SLCO6A1: variants seen among roughly 807,000 people sequenced by gnomAD.
SLCO6A1 encodes the protein solute carrier organic anion transporter family member 6A1, also known as cancer/testis antigen 48.
SLCO6A1 carries 65 observed loss-of-function variants against 72.7 expected under a neutral mutation model. The ratio of observed to expected loss-of-function variants is 0.89; its 90% confidence interval spans 0.73 to 1.10. The LOEUF is 1.10. Among genes scored for constraint, SLCO6A1 ranks in the 50% least tolerant of loss-of-function variants. The pLI, the probability that SLCO6A1 is intolerant of heterozygous loss-of-function variation, is 0.00. For missense variants in SLCO6A1, 874 were observed against 872.6 expected, an observed-to-expected ratio of 1.00 and a Z score of -0.02; for synonymous variants, 314 against 298.2, an observed-to-expected ratio of 1.05 and a Z score of -0.55.
intron 6 of SLCO6A1, among the ~76,000 whole-genome samples, chr5:102,456,833 C>T (rs369052155): frequency 1.2e-4 from 18 of 152,290 alleles, no homozygotes; most frequent in East Asian, 3.9e-4. Flanking sequence ...GGAGGCATCA[C>T]GCTACCTGTC....
In SLCO6A1 at chr5:102,458,261, GAAA is replaced by G. The variant is rs546611360; in HGVS notation, c.1131+118_1131+120del. ...AAACTTAAAGTATAATAATAAAAAA[GAAA>G]AAAAAAGTCTCACCCAGATTTAGGT... is the stretch of plus-strand genomic sequence containing the variant. On this transcript the variant is annotated intron_variant, in intron 6 of 13. Transcript: ENST00000506729. 4 of 667,396 alleles carry G rather than the reference GAAA, an allele frequency of 6.0e-6. No homozygotes were observed. The East Asian group carries it at 8.0e-5, about 13-fold the overall frequency. The allele number at this position is 667,396 out of a possible 1,614,324, so 41.3% of individuals were successfully genotyped here. A position where few individuals can be genotyped will look rare whatever the true frequency, so the allele number is the denominator to read the frequency against.
At chr5:102,412,161 C>G (rs1286113427) in intron 9 of SLCO6A1, among the ~76,000 whole-genome samples, 1 of 147,680 alleles carries the variant, frequency 6.8e-6, no homozygotes, top group South Asian at 2.1e-4. Flanking sequence ...CCAGCTACAA[C>G]CCTCCCCTCC....
At chr5:102,446,474 T>C (rs1750114295) in intron 6 of SLCO6A1, among the ~76,000 whole-genome samples, 2 of 152,170 alleles carry the variant, frequency 1.3e-5, no homozygotes, top group Non-Finnish European at 2.9e-5. Context: ...ACTGGGAAGA[T>C]ACTATGGGGC....
chr5:102,456,880 C>T (rs1036372546), intron 6 of SLCO6A1, among the ~76,000 whole-genome samples: 5 of 152,158 alleles, frequency 3.3e-5, no homozygotes, highest in Admixed American at 2.6e-4. Context: ...ACCAAAACAG[C>T]ATGGTACTGG....
intron 4 of SLCO6A1, among the ~76,000 whole-genome samples, chr5:102,466,179 C>G (rs146917504): frequency 6.6e-6 from 1 of 152,072 alleles, no homozygotes; most frequent in South Asian, 2.1e-4. Context: ...TTCCTCCCCC[C>G]ACCCTCTGCC....
At chr5:102,404,816 A>G (rs1464673293) in intron 9 of SLCO6A1, among the ~76,000 whole-genome samples, 1 of 152,194 alleles carries the variant, frequency 6.6e-6, no homozygotes, top group African/African-American at 2.4e-5. Context: ...TTACCTATAA[A>G]GAGGCAACTA....
chr5:102,474,549 G>A (rs1248984048), intron 4 of SLCO6A1, among the ~76,000 whole-genome samples: 1 of 151,856 alleles, frequency 6.6e-6, no homozygotes, highest in East Asian at 1.9e-4. Context: ...CAAAAGCCCA[G>A]GCAGCAAACC....
chr5:102,449,267 T>A (rs1172563585), intron 6 of SLCO6A1, among the ~76,000 whole-genome samples: 2 of 152,172 alleles, frequency 1.3e-5, no homozygotes, highest in Non-Finnish European at 2.9e-5. Context: ...GTAGGTGACC[T>A]TTCCCTTCAC....
chr5:102,470,575 G>A (rs1052394303), intron 4 of SLCO6A1, among the ~76,000 whole-genome samples: 9 of 151,864 alleles, frequency 5.9e-5, no homozygotes, highest in East Asian at 1.9e-4. Context: ...TCTTGCTAGC[G>A]GTCTATTTTG....
chr5:102,456,718 C>T (rs1750738981), intron 6 of SLCO6A1, among the ~76,000 whole-genome samples: 1 of 152,146 alleles, frequency 6.6e-6, no homozygotes, highest in Non-Finnish European at 1.5e-5. Flanking sequence ...CATCAAGCTA[C>T]CAATGACTTT....
chr5:102,408,161 T>C lies in SLCO6A1; in HGVS notation c.1626+4829A>G, dbSNP rs530712471. The stretch of plus-strand genomic sequence containing the variant: ...TAATAAAGTTTAATTAATAAATTAG[T>C]CACAGTAAGAGATTAACAATAACTA... On this transcript the variant is annotated intron_variant, in intron 9 of 13. Coordinates refer to ENST00000506729, the MANE Select transcript of SLCO6A1 (RefSeq NM_173488.5). 2.0e-5 allele frequency among the ~76,000 whole-genome samples: 3 copies of C among 152,242 alleles called. No homozygotes were observed. In the South Asian group the frequency reaches 6.2e-4, roughly 32 times the overall value.
intron 9 of SLCO6A1, among the ~76,000 whole-genome samples, chr5:102,401,963 C>A (rs1747421242): frequency 6.6e-6 from 1 of 151,860 alleles, no homozygotes; most frequent in African/African-American, 2.4e-5. Context: ...TTTAGCCATA[C>A]AAGATGGCTA....
At chr5:102,495,866 A>C (rs1752886497) in intron 1 of SLCO6A1, among the ~76,000 whole-genome samples, 1 of 152,182 alleles carries the variant, frequency 6.6e-6, no homozygotes, top group African/African-American at 2.4e-5. Flanking sequence ...TGCACTACAA[A>C]AAAACCATAC....
At chr5:102,483,325 G>T (rs1752299380) in intron 1 of SLCO6A1, among the ~76,000 whole-genome samples, 1 of 152,098 alleles carries the variant, frequency 6.6e-6, no homozygotes. Context: ...CTTTCCACGG[G>T]GAGAATTTCC....
intron 6 of SLCO6A1, among the ~76,000 whole-genome samples, chr5:102,451,131 T>C (rs990995036): frequency 5.9e-5 from 9 of 152,160 alleles, no homozygotes; most frequent in African/African-American, 2.2e-4. Context: ...CGCTTTTGTA[T>C]AAGGAAGCTA....
intron 7 of SLCO6A1, among the ~76,000 whole-genome samples, chr5:102,422,584 G>A (rs1369018195): frequency 4.6e-5 from 7 of 152,100 alleles, no homozygotes; most frequent in Non-Finnish European, 8.8e-5. Flanking sequence ...AAAAAAGAAT[G>A]AAAAGGAATG....
chr5:102,484,214 A>C (rs989987702), intron 1 of SLCO6A1, among the ~76,000 whole-genome samples: 2 of 152,228 alleles, frequency 1.3e-5, no homozygotes, highest in African/African-American at 4.8e-5. Flanking sequence ...CATAATTCAC[A>C]GGCACAAATA....
intron 7 of SLCO6A1, among the ~76,000 whole-genome samples, chr5:102,430,791 GGAT>G (rs1749174434): frequency 6.6e-6 from 1 of 152,084 alleles, no homozygotes; most frequent in Non-Finnish European, 1.5e-5. Flanking sequence ...TTTGGTATCA[GGAT>G]GATTCTGGCC....
chr5:102,459,600 A>T, intron 5 of SLCO6A1, 56 bp downstream of exon 5: 1 of 1,510,128 alleles, frequency 6.6e-7, no homozygotes, highest in Non-Finnish European at 8.9e-7. Context: ...GAGAATAAGA[A>T]CCATGGTGGA....
Sources: gnomAD v4.1 joint callset for allele counts (sites outside exome capture counted in the v4.1 genomes callset) on GRCh38, gnomAD v4.1.1 for gene constraint, MANE v1.5 for transcripts, NCBI Gene and HGNC (gene_info 2026-07-23, HGNC 2026-07-21) for gene names.